The following RNF130 variants were observed in gnomAD, a reference collection of about 807,000 sequenced individuals.
RNF130 encodes ring finger protein 130.
A neutral mutation model predicts 44.6 loss-of-function variants in RNF130; 21 were observed. The ratio of observed to expected loss-of-function variants is 0.47; its 90% confidence interval spans 0.33 to 0.68. The LOEUF is 0.68. Ranked by LOEUF, RNF130 falls within the 30% of genes least tolerant of loss-of-function variation. RNF130 has a pLI of 0.02. For synonymous variants in RNF130, 214 were observed against 210.4 expected (o/e 1.02, Z -0.15); for missense variants, 479 against 560.6 (o/e 0.85, Z 1.47).
At chr5:179,943,735 T>C (rs1402849888) in intron 7 of RNF130, among the ~76,000 whole-genome samples, 1 of 152,230 alleles carries the variant, frequency 6.6e-6, no homozygotes, top group Non-Finnish European at 1.5e-5. Context: ...CAGCCTTATA[T>C]TCTCATAAGT....
Position 179,966,844 on chromosome 5 carries a change from A to T in RNF130, c.1112T>A (p.Leu371His), listed in dbSNP as rs1210098316. 1 of 1,613,944 alleles carries T rather than the reference A, an allele frequency of 6.2e-7. No homozygotes were observed. Among genetic ancestry groups the T allele is most frequent in the Admixed American group, 1.7e-5 (1 of 59,990 alleles). The stretch of plus-strand genomic sequence containing the variant: ...GTTGATTTCTCCTGTTCTCGGAGTG[A>T]GCTCCCCATCCTGAGGAAGAGGTGA... Reference protein sequence around the residue: ...GISPLPQDGELTPRTGEINIA... With the variant: ...GISPLPQDGEHTPRTGEINIA... Residue 371 changes from leucine to histidine, a missense_variant, in exon 7 of 9, where the codon CTC (leucine) becomes CAC (histidine). Physicochemically the swap from Leu to His is moderately conservative, Grantham distance 99. Transcript: ENST00000521389.
At chr5:180,055,037 T>C (rs1390428770) in intron 1 of RNF130, among the ~76,000 whole-genome samples, 1 of 151,964 alleles carries the variant, frequency 6.6e-6, no homozygotes, top group African/African-American at 2.4e-5. Flanking sequence ...CTCTGCTGGT[T>C]ATTGGTAACA....
At chr5:180,042,816 C>T (rs942979500) in intron 1 of RNF130, among the ~76,000 whole-genome samples, 1 of 152,216 alleles carries the variant, frequency 6.6e-6, no homozygotes, top group African/African-American at 2.4e-5. Context: ...CTCTTCTTCC[C>T]TGTGGTCTCG....
chr5:179,924,918 C>T (rs1761684582), intron 7 of RNF130, among the ~76,000 whole-genome samples: 1 of 152,176 alleles, frequency 6.6e-6, no homozygotes, highest in Non-Finnish European at 1.5e-5. Context: ...GACAAAGGAT[C>T]CTCAGCCCCC....
chr5:179,948,603 G>T (rs757534833), intron 7 of RNF130, among the ~76,000 whole-genome samples: 7 of 152,062 alleles, frequency 4.6e-5, no homozygotes, highest in Non-Finnish European at 8.8e-5. Flanking sequence ...CCCAGGAGGT[G>T]GAGGTCGCAG....
chr5:180,005,677 T>C (rs1057358703), intron 3 of RNF130, among the ~76,000 whole-genome samples: 1 of 152,204 alleles, frequency 6.6e-6, no homozygotes, highest in African/African-American at 2.4e-5. Context: ...AATTCATCCT[T>C]TAAAATTCAG....
At chr5:180,066,936 G>A in intron 1 of RNF130, among the ~76,000 whole-genome samples, 1 of 152,190 alleles carries the variant, frequency 6.6e-6, no homozygotes, top group Non-Finnish European at 1.5e-5. Flanking sequence ...GAGGCAGGAG[G>A]ATCAATCACT....
intron 8 of RNF130, among the ~76,000 whole-genome samples, chr5:179,959,187 T>G (rs990709509): frequency 1.3e-5 from 2 of 152,190 alleles, no homozygotes; most frequent in African/African-American, 2.4e-5. Flanking sequence ...TATTCTCATC[T>G]TTGTTATTCT....
At chr5:179,996,001 A>T (rs763433465) in intron 3 of RNF130, among the ~76,000 whole-genome samples, 2 of 152,194 alleles carry the variant, frequency 1.3e-5, no homozygotes, top group Non-Finnish European at 2.9e-5. Flanking sequence ...TCTGTGAATA[A>T]TATCACTGGC....
chr5:180,055,403 C>CA (rs1485495667), intron 1 of RNF130, among the ~76,000 whole-genome samples: 6 of 143,910 alleles, frequency 4.2e-5, no homozygotes, highest in African/African-American at 1.6e-4. Context: ...TAAGGATTAA[C>CA]ACTGGCTGCT....
intron 5 of RNF130, among the ~76,000 whole-genome samples, chr5:179,975,847 T>C (rs998950471): frequency 1.3e-5 from 2 of 152,118 alleles, no homozygotes; most frequent in African/African-American, 2.4e-5. Flanking sequence ...TGGTGGCAGG[T>C]GCAGCGCAGA....
chr5:179,943,610 G>A (rs1394873688), intron 7 of RNF130, among the ~76,000 whole-genome samples: 2 of 152,282 alleles, frequency 1.3e-5, no homozygotes, highest in Middle Eastern at 3.4e-3. Context: ...AGATAGATGT[G>A]TCATTATTTC....
intron 6 of RNF130, among the ~76,000 whole-genome samples, chr5:179,968,313 C>A (rs1309965906): frequency 2.1e-5 from 3 of 142,486 alleles, no homozygotes; most frequent in East Asian, 2.0e-4. Context: ...AACAAACAAA[C>A]AAAAAAAGAA....
chr5:180,029,993 G>A (rs1475986337), intron 2 of RNF130, among the ~76,000 whole-genome samples: 1 of 151,604 alleles, frequency 6.6e-6, no homozygotes, highest in Non-Finnish European at 1.5e-5. Context: ...GACTATAGGT[G>A]TGTACCACCA....
intron 1 of RNF130, among the ~76,000 whole-genome samples, chr5:180,063,817 A>G (rs1324345426): frequency 6.6e-6 from 1 of 152,242 alleles, no homozygotes; most frequent in Non-Finnish European, 1.5e-5. Flanking sequence ...GTTCATCCAC[A>G]ATGGAAATTT....
chr5:179,968,307 A>G (rs995811300), intron 6 of RNF130, among the ~76,000 whole-genome samples: 1 of 151,598 alleles, frequency 6.6e-6, no homozygotes, highest in Admixed American at 6.6e-5. Flanking sequence ...CAAACAAACA[A>G]ACAAACAAAA....
chr5:180,009,347 A>G (rs554892526), intron 3 of RNF130, among the ~76,000 whole-genome samples: 1 of 152,248 alleles, frequency 6.6e-6, no homozygotes. Context: ...TGCAAGCCAC[A>G]TATTTGACGA....
In RNF130 at chr5:180,022,481, G is replaced by A. The variant is rs191659568; in HGVS notation, c.443-9170C>T. ...TCAGTTTTCCAGTGTCTTCACTTAC[G>A]TAAATGTGAACTACAAATACAATGC... On this transcript the variant is annotated intron_variant, in intron 2 of 8. Transcript: ENST00000521389. Among the ~76,000 whole-genome samples, 23 of 152,172 alleles carry A rather than the reference G, an allele frequency of 1.5e-4. No individual in the cohort carries two copies. In the East Asian group the frequency reaches 3.7e-3, roughly 24 times the overall value.
chr5:179,995,920 AG>A (rs1355867126), intron 3 of RNF130, among the ~76,000 whole-genome samples: 1 of 152,238 alleles, frequency 6.6e-6, no homozygotes, highest in Non-Finnish European at 1.5e-5. Flanking sequence ...CAAGTGGGTT[AG>A]GCATGCTGGA....
Sources: gnomAD v4.1 joint callset for allele counts (sites outside exome capture counted in the v4.1 genomes callset) on GRCh38, gnomAD v4.1.1 for gene constraint, MANE v1.5 for transcripts, NCBI Gene and HGNC (gene_info 2026-07-23, HGNC 2026-07-21) for gene names.